OLFM3: variants seen among roughly 807,000 people sequenced by gnomAD.
OLFM3 encodes noelin-3.
A neutral mutation model predicts 48.6 loss-of-function variants in OLFM3; 20 were observed. The observed-to-expected ratio is 0.41, with a 90% CI of 0.29 to 0.60. The LOEUF (loss-of-function observed/expected upper bound fraction) is 0.60. Ranked by LOEUF, OLFM3 falls within the 20% of genes least tolerant of loss-of-function variation. OLFM3 has a pLI of 0.28. For missense variants in OLFM3, 437 were observed against 544.3 expected (o/e 0.80, Z 1.96); for synonymous variants, 222 against 198.1 (o/e 1.12, Z -1.01).
In OLFM3 at chr1:101,912,978, C is replaced by T. The variant is rs182847178; in HGVS notation, c.70-75953G>A. Among the ~76,000 whole-genome samples the T allele has an allele frequency of 1.7e-3, 264 of 152,184 alleles. 2 individuals carry two copies. Among genetic ancestry groups the T allele is most frequent in the Admixed American group, 4.2e-3 (64 of 15,288 alleles). Reference sequence around the variant, plus strand: ...GTCAAATTTCACTTTTATTTATTTTCTTTAAGGTTTGTCCTACTAGTAACT... The same window carrying T: ...GTCAAATTTCACTTTTATTTATTTTTTTTAAGGTTTGTCCTACTAGTAACT... On this transcript the variant is annotated intron_variant, in intron 1 of 5. Coordinates refer to ENST00000370103, the MANE Select transcript of OLFM3 (RefSeq NM_058170.4).
intron 1 of OLFM3, among the ~76,000 whole-genome samples, chr1:101,855,576 T>C (rs1656381359): frequency 6.6e-6 from 1 of 152,108 alleles, no homozygotes; most frequent in African/African-American, 2.4e-5. Context: ...CAGTGAGTGC[T>C]AAAAGCTAAG....
intron 1 of OLFM3, among the ~76,000 whole-genome samples, chr1:101,863,882 G>T (rs546360051): frequency 1.4e-4 from 22 of 152,146 alleles, no homozygotes; most frequent in Admixed American, 1.3e-3. Flanking sequence ...AATGATTTAA[G>T]ATATATTCTT....
intron 1 of OLFM3, among the ~76,000 whole-genome samples, chr1:101,854,670 A>G (rs931012356): frequency 6.6e-6 from 1 of 152,034 alleles, no homozygotes; most frequent in Non-Finnish European, 1.5e-5. Flanking sequence ...AGGTTCTTCA[A>G]ATAGGAAATA....
intron 1 of OLFM3, among the ~76,000 whole-genome samples, chr1:101,928,845 A>G (rs957278527): frequency 3.9e-5 from 6 of 152,218 alleles, no homozygotes; most frequent in African/African-American, 2.4e-5. Flanking sequence ...AATGTACTCA[A>G]AAGAGGCTTG....
At chr1:101,953,428 C>A (rs529750858) in intron 1 of OLFM3, among the ~76,000 whole-genome samples, 130 of 152,248 alleles carry the variant, frequency 8.5e-4, no homozygotes, top group African/African-American at 3.1e-3. Context: ...GTATAGTCCA[C>A]AAAGTCTAAA....
At chr1:101,942,705 A>G (rs944904064) in intron 1 of OLFM3, among the ~76,000 whole-genome samples, 3 of 152,182 alleles carry the variant, frequency 2.0e-5, no homozygotes, top group African/African-American at 4.8e-5. Flanking sequence ...GGTATACAAT[A>G]TGAGGGCTGT....
intron 3 of OLFM3, among the ~76,000 whole-genome samples, chr1:101,829,552 G>A (rs1655043685): frequency 6.6e-6 from 1 of 152,256 alleles, no homozygotes; most frequent in Middle Eastern, 3.4e-3. Flanking sequence ...GAAACTTTCT[G>A]CCACATTCAA....
rs1217132166 is a variant in OLFM3, at chr1:101,836,861, G to A, written c.216+18C>T. On this transcript the variant is annotated intron_variant, in intron 2 of 5. Transcript: ENST00000370103. The stretch of plus-strand genomic sequence containing the variant: ...TCGATTTTACTAAAAATATGCATAG[G>A]GGACACAGGACACCTACCTTTTCCA... 14 of 1,612,500 alleles carry A rather than the reference G, an allele frequency of 8.7e-6. No homozygotes were observed. The highest frequency in any genetic ancestry group is 1.7e-5 in the Admixed American group (1 of 59,978).
intron 1 of OLFM3, among the ~76,000 whole-genome samples, chr1:101,876,582 C>A (rs967017637): frequency 1.3e-5 from 2 of 151,564 alleles, no homozygotes; most frequent in African/African-American, 4.8e-5. Flanking sequence ...CAAATTTAAG[C>A]CTGACCAAAA....
At chr1:101,825,360 G>C (rs1654813181) in intron 3 of OLFM3, 115 bp from the exon 4 acceptor site, 1 of 857,084 alleles carries the variant, frequency 1.2e-6, no homozygotes. Context: ...ATTTCTTATT[G>C]ATTTTTGGTT....
At position 101,902,069 on chromosome 1, in the gene OLFM3, G is replaced by A. The variant is rs1658405361; in HGVS notation, c.70-65044C>T. On this transcript the variant is annotated intron_variant, in intron 1 of 5. Transcript: ENST00000370103. ...TGATGAGAGATATTACTATTGAAAGGTGAAAGGAGGAAGGGGAAATAGAAC... is the reference window on the plus strand; with the variant it reads ...TGATGAGAGATATTACTATTGAAAGATGAAAGGAGGAAGGGGAAATAGAAC... Among the ~76,000 whole-genome samples the A allele has an allele frequency of 2.6e-5, 4 of 151,976 alleles. No individual in the cohort carries two copies. In the South Asian group the frequency reaches 6.2e-4, roughly 24 times the overall value.
intron 1 of OLFM3, among the ~76,000 whole-genome samples, chr1:101,914,607 G>T (rs1004917068): frequency 6.6e-6 from 1 of 152,174 alleles, no homozygotes; most frequent in Non-Finnish European, 1.5e-5. Flanking sequence ...CAACATAGAT[G>T]TTACTTCTAA....
At chr1:101,915,298 C>T (rs577798235) in intron 1 of OLFM3, among the ~76,000 whole-genome samples, 1 of 151,800 alleles carries the variant, frequency 6.6e-6, no homozygotes, top group Admixed American at 6.6e-5. Flanking sequence ...AAATAATATA[C>T]ACTTCTGCTT....
intron 1 of OLFM3, chr1:101,893,269 A>G (rs1658073702): frequency 2.8e-6 from 1 of 355,428 alleles, no homozygotes. Flanking sequence ...AAGGAACAGT[A>G]CAGTGCTGTC....
rs200924384 is a variant in OLFM3, at chr1:101,828,066, G to GTCTCTC, written c.372+2600_372+2605dup. 1.2e-3 allele frequency among the ~76,000 whole-genome samples: 164 copies of GTCTCTC among 141,978 alleles called. 2 individuals are homozygous for GTCTCTC. The highest frequency in any genetic ancestry group is 4.1e-3 in the African/African-American group (157 of 38,014). The allele number at this position is 141,978 out of a possible 152,430, so 93.1% of individuals were successfully genotyped here. On this transcript the variant is annotated intron_variant, in intron 3 of 5. Coordinates refer to ENST00000370103, the MANE Select transcript of OLFM3 (RefSeq NM_058170.4). Reference sequence around the variant, plus strand: ...TGTCTGTCTGTCTCTCTCTCTCTCTGTCTCTCTCTCTCTCCTCCTGCCTTG... The same window carrying GTCTCTC: ...TGTCTGTCTGTCTCTCTCTCTCTCTGTCTCTCTCTCTCTCTCTCTCCTCCTGCCTTG...
intron 1 of OLFM3, among the ~76,000 whole-genome samples, chr1:101,865,107 T>A (rs898867291): frequency 6.6e-6 from 1 of 152,198 alleles, no homozygotes; most frequent in African/African-American, 2.4e-5. Flanking sequence ...TTATGTAGAA[T>A]TCACTTTGGT....
At chr1:101,949,964 T>C (rs868823420) in intron 1 of OLFM3, among the ~76,000 whole-genome samples, 1 of 134,798 alleles carries the variant, frequency 7.4e-6, no homozygotes, top group Admixed American at 7.7e-5. Flanking sequence ...TGATGCGGAG[T>C]TTGCAGTGAG....
intron 1 of OLFM3, among the ~76,000 whole-genome samples, chr1:101,963,335 TC>T (rs1660518699): frequency 6.6e-6 from 1 of 152,194 alleles, no homozygotes; most frequent in Non-Finnish European, 1.5e-5. Flanking sequence ...ACCTCTAAAT[TC>T]TTTTCAGGTG....
chr1:101,840,591 T>C (rs1655671373), intron 1 of OLFM3, among the ~76,000 whole-genome samples: 1 of 152,008 alleles, frequency 6.6e-6, no homozygotes, highest in Non-Finnish European at 1.5e-5. Context: ...CCACCACAGT[T>C]TCCTGAGTAG....
Sources: allele counts gnomAD v4.1 joint callset (sites outside exome capture counted in the v4.1 genomes callset), GRCh38; gene constraint gnomAD v4.1.1; transcripts MANE v1.5; gene names NCBI Gene and HGNC (gene_info 2026-07-23, HGNC 2026-07-21).